Variants in ARHGAP32 observed in about 807,000 individuals in gnomAD.
ARHGAP32 encodes the protein rho GTPase-activating protein 32.
A neutral mutation model predicts 186.5 loss-of-function variants in ARHGAP32; 51 were observed. That is an observed-to-expected ratio of 0.27 (90% CI 0.22 to 0.35). ARHGAP32 has a LOEUF of 0.35. ARHGAP32 is among the 10% of genes least tolerant of loss of function. The probability of loss-of-function intolerance (pLI) is 1.00; values close to 1 mark genes in which losing one functional copy is unlikely to be tolerated. For missense variants in ARHGAP32, 2,186 were observed against 2,623.5 expected, an observed-to-expected ratio of 0.83 and a Z score of 3.64; for synonymous variants, 950 against 964.3, an observed-to-expected ratio of 0.99 and a Z score of 0.27.
At chr11:128,977,562 G>A (rs1945581340) in intron 19 of ARHGAP32, among the ~76,000 whole-genome samples, 1 of 152,048 alleles carries the variant, frequency 6.6e-6, no homozygotes. Context: ...TCTCCTGTCA[G>A]TTAGGTGAAT....
chr11:128,980,487 C>G (rs2136100974), intron 18 of ARHGAP32, 66 bp downstream of exon 18: 1 of 1,324,794 alleles, frequency 7.5e-7, no homozygotes, highest in Non-Finnish European at 1.0e-6. Context: ...TAAAAGCAAA[C>G]TAAAAGAAAA....
At chr11:129,270,761 G>C (rs4937406) in intron 1 of ARHGAP32, among the ~76,000 whole-genome samples, 1 of 151,836 alleles carries the variant, frequency 6.6e-6, no homozygotes, top group Admixed American at 6.6e-5. Flanking sequence ...CTGAGACTGT[G>C]GCTCAGTGAA....
At chr11:129,277,163 G>A (rs1945541529) in intron 1 of ARHGAP32, among the ~76,000 whole-genome samples, 1 of 151,934 alleles carries the variant, frequency 6.6e-6, no homozygotes, top group African/African-American at 2.4e-5. Flanking sequence ...GGTCAGCTTG[G>A]GAAGGAAAAC....
chr11:129,145,630 G>T (rs1273460800), intron 2 of ARHGAP32, among the ~76,000 whole-genome samples: 1 of 152,100 alleles, frequency 6.6e-6, no homozygotes, highest in Admixed American at 6.6e-5. Context: ...GAGCATGCTT[G>T]AAATATAGTT....
At chr11:129,188,524 T>A (rs1001734534) in intron 1 of ARHGAP32, among the ~76,000 whole-genome samples, 1 of 152,134 alleles carries the variant, frequency 6.6e-6, no homozygotes, top group Non-Finnish European at 1.5e-5. Flanking sequence ...ACTACCTACT[T>A]AGACTGCCAC....
intron 1 of ARHGAP32, among the ~76,000 whole-genome samples, chr11:129,174,134 G>A (rs562593754): frequency 1.2e-4 from 19 of 152,326 alleles, no homozygotes; most frequent in African/African-American, 2.4e-4. Context: ...CTCGGGAAGC[G>A]CAGAGGGTCA....
At position 128,976,915 on chromosome 11, in the gene ARHGAP32, C is replaced by T. The variant is rs367955734; in HGVS notation, c.2123-281G>A. On this transcript the variant is annotated intron_variant, in intron 19 of 22. Transcript: ENST00000682385. ...TTGAGCAGAGAGATTAACTAAGATG[C>T]TTCTTTCTTTTACATTTCCTAAAGA... 1.5e-4 allele frequency among the ~76,000 whole-genome samples: 23 copies of T among 152,286 alleles called. No individual in the cohort carries two copies. In the East Asian group the frequency reaches 3.5e-3, roughly 23 times the overall value.
intron 6 of ARHGAP32, among the ~76,000 whole-genome samples, chr11:129,088,994 T>TGAAAA (rs1565416702): frequency 1.5e-5 from 1 of 65,584 alleles, no homozygotes; most frequent in Non-Finnish European, 2.5e-5. Context: ...AGAGACCTTG[T>TGAAAA]CAAAAAAAAA....
rs191904463 is a variant in ARHGAP32 at position 129,208,029 on chromosome 11, C to G, written c.-4-43602G>C. Among the ~76,000 whole-genome samples the G allele has an allele frequency of 4.6e-5, 7 of 152,260 alleles. No homozygotes were observed. In the East Asian group the frequency reaches 1.4e-3, roughly 29 times the overall value. ...CATTACCTGCACACAACTGAACAAT[C>G]TATGACTATTACTAAGATTCCACCT... On this transcript the variant is annotated intron_variant, in intron 1 of 6. Coordinates refer to the ARHGAP32 transcript ENST00000525234.
At chr11:129,194,322 T>C (rs1330647457), upstream of ARHGAP32, among the ~76,000 whole-genome samples, 1 of 152,036 alleles carries the variant, frequency 6.6e-6, no homozygotes, top group African/African-American at 2.4e-5. Context: ...AGTAGCAAAA[T>C]AGGATAGCAA....
In ARHGAP32 at chr11:128,970,194, G is replaced by A. The variant is rs1287321320; in HGVS notation, c.5019C>T (p.Ser1673=). ...RYSPYSSSSS[S]YYSPDGALCD... Reference sequence around the variant, plus strand: ...ACAGGGCCCCATCTGGACTGTAATAGGAACTAGAAGAACTGGAATATGGGC... The same window carrying A: ...ACAGGGCCCCATCTGGACTGTAATAAGAACTAGAAGAACTGGAATATGGGC... The change falls in exon 23 of 23, where the codon TCC becomes TCT. Residue 1673 remains serine (S), a synonymous_variant. Transcript: ENST00000682385. This position sits in a 1 kb window ranked among gnomAD's most constrained non-coding sequence, Gnocchi z 5.8. 1.9e-6 allele frequency: 3 copies of A among 1,614,210 alleles called. No individual in the cohort carries two copies. Among genetic ancestry groups the A allele is most frequent in the Admixed American group, 3.3e-5 (2 of 60,024 alleles).
At chr11:128,983,256 G>A (rs1945761086) in intron 15 of ARHGAP32, among the ~76,000 whole-genome samples, 1 of 152,164 alleles carries the variant, frequency 6.6e-6, no homozygotes, top group African/African-American at 2.4e-5. Context: ...GCGTTCAAGG[G>A]CATTGTAGTT....
At chr11:129,075,920 T>C (rs932913397) in intron 6 of ARHGAP32, among the ~76,000 whole-genome samples, 4 of 152,074 alleles carry the variant, frequency 2.6e-5, no homozygotes, top group Non-Finnish European at 5.9e-5. Flanking sequence ...GCATTCTAAG[T>C]CACAGGATGA....
chr11:129,004,000 A>G (rs766567088), intron 11 of ARHGAP32, among the ~76,000 whole-genome samples: 7 of 151,932 alleles, frequency 4.6e-5, no homozygotes, highest in Non-Finnish European at 1.0e-4. Flanking sequence ...AGGTACTTAT[A>G]GCTATAAATT....
At chr11:129,273,758 C>T (rs897882282) in intron 1 of ARHGAP32, among the ~76,000 whole-genome samples, 1 of 152,168 alleles carries the variant, frequency 6.6e-6, no homozygotes, top group Non-Finnish European at 1.5e-5. Flanking sequence ...AGTCAAATGG[C>T]TTGCTTCACA....
At chr11:129,172,521 T>C (rs1420869362) in intron 1 of ARHGAP32, among the ~76,000 whole-genome samples, 3 of 152,154 alleles carry the variant, frequency 2.0e-5, no homozygotes, top group Non-Finnish European at 4.4e-5. Context: ...GCACTTATTC[T>C]AAAAACGAAC....
At chr11:128,981,673 G>C in intron 16 of ARHGAP32, 112 bp from the exon 17 acceptor site, 1 of 1,276,568 alleles carries the variant, frequency 7.8e-7, no homozygotes, top group Non-Finnish European at 1.1e-6. Context: ...TACTTTTACT[G>C]TCCCTTAGCT....
intron 9 of ARHGAP32, 45 bp from the exon 10 acceptor site, chr11:129,062,402 TA>T: frequency 6.6e-7 from 1 of 1,507,476 alleles, no homozygotes; most frequent in African/African-American, 1.4e-5. Context: ...AGTTAAATTT[TA>T]AACCAATTGT....
At chr11:129,172,840 AG>A (rs1489102205) in intron 1 of ARHGAP32, among the ~76,000 whole-genome samples, 2 of 152,176 alleles carry the variant, frequency 1.3e-5, no homozygotes, top group Non-Finnish European at 2.9e-5. Flanking sequence ...CACATCAGAA[AG>A]CAAGAAAGAT....
Sources: gnomAD v4.1 joint callset for allele counts (sites outside exome capture counted in the v4.1 genomes callset) on GRCh38, gnomAD v4.1.1 for gene constraint, Gnocchi (gnomAD v3.1) non-coding constraint, MANE v1.5 for transcripts, NCBI Gene and HGNC (gene_info 2026-07-23, HGNC 2026-07-21) for gene names.